CPSF4L: variants seen among roughly 807,000 people sequenced by gnomAD.
CPSF4L encodes cleavage and polyadenylation specific factor 4 like, also known as putative cleavage and polyadenylation specificity factor subunit 4-like protein.
In CPSF4L, 18 loss-of-function variants were observed where a neutral mutation model predicts 24.0. That is an observed-to-expected ratio of 0.75 (90% CI 0.52 to 1.11). The LOEUF (loss-of-function observed/expected upper bound fraction) is 1.11, where lower values mean the gene tolerates loss of function less well. Ranked by LOEUF, CPSF4L falls within the 50% of genes least tolerant of loss-of-function variation. The pLI is 0.00. For missense variants in CPSF4L, 211 were observed against 221.8 expected (o/e 0.95, Z 0.31); for synonymous variants, 72 against 77.2 (o/e 0.93, Z 0.35).
rs1248144305 is a variant in CPSF4L at position 73,261,805 on chromosome 17, A to G, written c.14T>C (p.Ile5Thr). The G allele has an allele frequency of 1.3e-5, 20 of 1,551,562 alleles. No individual in the cohort carries two copies. The highest frequency in any genetic ancestry group is 1.7e-5 in the Non-Finnish European group (19 of 1,146,916). ...AAAGGTGAACCGCTCTAGCCCCGCA[A>G]TGACCTCTTGCATCTTCCGTCTCCT... is the stretch of plus-strand genomic sequence containing the variant. MQEV[I>T]AGLERFTFAF... Residue 5 changes from isoleucine (I) to threonine (T), a missense_variant, in exon 1 of 6, where the codon ATT becomes ACT. Physicochemically the swap from Ile to Thr is moderately conservative, Grantham distance 89. Coordinates refer to ENST00000344935, the MANE Select transcript of CPSF4L (RefSeq NM_001129885.1).
the CPSF4L span, chr17:73,242,966 C>G: frequency 6.2e-7 from 1 of 1,613,836 alleles, no homozygotes; most frequent in Non-Finnish European, 8.5e-7. Context: ...TCACAGGATA[C>G]TTCGTCCTGT....
chr17:73,251,415 C>A (rs565457214), intron 5 of CPSF4L, among the ~76,000 whole-genome samples: 17 of 152,290 alleles, frequency 1.1e-4, no homozygotes, highest in African/African-American at 3.8e-4. Flanking sequence ...TCGGAGGCCC[C>A]AGTAGCCGTC....
downstream of CPSF4L, chr17:73,245,730 A>G: frequency 1.0e-6 from 1 of 985,366 alleles, no homozygotes; most frequent in Non-Finnish European, 1.2e-6. Flanking sequence ...GTTGCAGGTA[A>G]GCCTCCGAAA....
downstream of CPSF4L, among the ~76,000 whole-genome samples, chr17:73,246,413 G>A (rs993359630): frequency 2.0e-5 from 3 of 152,212 alleles, no homozygotes; most frequent in Non-Finnish European, 4.4e-5. Context: ...GCACACGCCT[G>A]TAGTCCCAGC....
downstream of CPSF4L, chr17:73,247,366 C>T (rs766255637): frequency 6.2e-7 from 1 of 1,612,100 alleles, no homozygotes; most frequent in Non-Finnish European, 8.5e-7. Context: ...TAGGAGAAGC[C>T]TTCGTGACTT....
chr17:73,247,387 C>T (rs1443207419), downstream of CPSF4L: 1 of 1,588,996 alleles, frequency 6.3e-7, no homozygotes, highest in Non-Finnish European at 8.6e-7. Flanking sequence ...CTCTCTAGTG[C>T]CTTCGTGCCC....
At chr17:73,258,285 C>T (rs1159049497) in intron 2 of CPSF4L, among the ~76,000 whole-genome samples, 2 of 152,026 alleles carry the variant, frequency 1.3e-5, no homozygotes, top group African/African-American at 2.4e-5. Context: ...GCTGGGATTA[C>T]AGGCGTGAGC....
the CPSF4L span, chr17:73,242,867 A>T: frequency 6.3e-7 from 1 of 1,585,808 alleles, no homozygotes; most frequent in Non-Finnish European, 8.6e-7. Context: ...CAGTTGCTGT[A>T]ACAACAAGCC....
In CPSF4L at chr17:73,257,744, A is replaced by C. The variant is rs1055430908; in HGVS notation, c.244T>G (p.Cys82Gly). 2 of 1,551,582 alleles carry C rather than the reference A, an allele frequency of 1.3e-6. No homozygotes were observed. The highest frequency in any genetic ancestry group is 3.9e-5 in the Admixed American group (2 of 50,974). The change falls in exon 3 of 6, where the codon TGC (cysteine) becomes GGC (glycine). Residue 82 changes from cysteine (C) to glycine (G), a missense_variant. Coordinates refer to ENST00000344935, the MANE Select transcript of CPSF4L (RefSeq NM_001129885.1). ...LRGLCKKGDH[C>G]KFLHQYDLTR... is the part of the protein sequence containing the mutation. ...AGGTCATACTGGTGCAGGAACTTGC[A>C]GTGATCACCCTTCTTGCAGAGCCCC...
At chr17:73,245,222 A>C (rs2061932594), downstream of CPSF4L, 1 of 1,613,072 alleles carries the variant, frequency 6.2e-7, no homozygotes, top group Non-Finnish European at 8.5e-7. Flanking sequence ...AAGCTCTGGA[A>C]CAGCAAAGGG....
chr17:73,244,797 A>G (rs554636177), downstream of CPSF4L: 117 of 173,746 alleles, frequency 6.7e-4, 1 homozygote, highest in African/African-American at 2.7e-3. Flanking sequence ...AGCAGGAACA[A>G]GGCGGCAGCA....
chr17:73,260,271 C>T (rs890108522), intron 2 of CPSF4L, among the ~76,000 whole-genome samples: 1 of 152,090 alleles, frequency 6.6e-6, no homozygotes, highest in Non-Finnish European at 1.5e-5. Context: ...CTGGAGCCTC[C>T]TGGGAATGCA....
intron 3 of CPSF4L, among the ~76,000 whole-genome samples, chr17:73,254,349 C>T (rs552449872): frequency 1.8e-4 from 27 of 152,308 alleles, no homozygotes; most frequent in African/African-American, 5.8e-4. Context: ...AGAAGGCCTG[C>T]GACGTTAAGT....
chr17:73,253,283 C>G (rs1476145446), intron 4 of CPSF4L, among the ~76,000 whole-genome samples: 2 of 152,170 alleles, frequency 1.3e-5, no homozygotes, highest in Non-Finnish European at 1.5e-5. Flanking sequence ...TTGCTTGAAC[C>G]TGGGAGGTGG....
chr17:73,251,236 G>A, intron 5 of CPSF4L: 1 of 1,114,352 alleles, frequency 9.0e-7, no homozygotes, highest in Non-Finnish European at 1.2e-6. Context: ...TTTAGTTACA[G>A]TTTTAAGTGC....
chr17:73,247,348 C>T (rs570880682), downstream of CPSF4L: 34 of 1,613,886 alleles, frequency 2.1e-5, no homozygotes, highest in Non-Finnish European at 2.5e-5. Context: ...TTAGGAAGCA[C>T]GTTTAAGTAG....
intron 3 of CPSF4L, among the ~76,000 whole-genome samples, chr17:73,256,411 C>T (rs1258647330): frequency 6.6e-6 from 1 of 152,188 alleles, no homozygotes; most frequent in Non-Finnish European, 1.5e-5. Context: ...TTCTCAGGTA[C>T]CCAGGACCCT....
At chr17:73,261,557 A>AAAT (rs2062046179) in intron 1 of CPSF4L, among the ~76,000 whole-genome samples, 159 bp downstream of exon 1, 1 of 152,198 alleles carries the variant, frequency 6.6e-6, no homozygotes, top group South Asian at 2.1e-4. Flanking sequence ...GCTCCTCGGG[A>AAAT]GGCTGAGGCA....
At chr17:73,242,164 G>T in the CPSF4L span, 3 of 890,458 alleles carry the variant, frequency 3.4e-6, no homozygotes, top group Admixed American at 2.6e-5. Flanking sequence ...AGGCTTAGCC[G>T]TGGATCCTTC....
Sources: allele counts gnomAD v4.1 joint callset (sites outside exome capture counted in the v4.1 genomes callset), GRCh38; gene constraint gnomAD v4.1.1; transcripts MANE v1.5; gene names NCBI Gene and HGNC (gene_info 2026-07-23, HGNC 2026-07-21).